CPA5: variants seen among roughly 807,000 people sequenced by gnomAD.
CPA5 encodes the protein carboxypeptidase A5.
CPA5 carries 38 observed loss-of-function variants against 52.2 expected under a neutral mutation model. The ratio of observed to expected loss-of-function variants is 0.73; its 90% CI spans 0.56 to 0.95. The LOEUF is 0.95. CPA5 is among the 40% of genes least tolerant of loss of function. CPA5 has a pLI of 0.00. For synonymous variants in CPA5, 198 were observed against 213.7 expected (o/e 0.93, Z 0.64); for missense variants, 519 against 566.7 (o/e 0.92, Z 0.86).
chr7:130,346,374 G>A lies in CPA5; in HGVS notation c.-93-19G>A. 1.3e-6 allele frequency: 1 copy of A among 752,948 alleles called. No individual in the cohort carries two copies. The highest frequency in any genetic ancestry group is 2.2e-6 in the Non-Finnish European group (1 of 462,604). The allele number at this position is 752,948 out of a possible 1,614,324, so 46.6% of individuals were successfully genotyped here. A position where few individuals can be genotyped will look rare whatever the true frequency, so the allele number is the denominator to read the frequency against. On this transcript the variant is annotated intron_variant, in intron 2 of 12. Transcript: ENST00000474905. The stretch of plus-strand genomic sequence containing the variant: ...AGCCACATGCTGGGTGCCCCAGACA[G>A]CCTAATGCTCTTTCTCAGGCTGGGC...
At chr7:130,360,200 C>T (rs1268174632) in intron 6 of CPA5, among the ~76,000 whole-genome samples, 1 of 152,254 alleles carries the variant, frequency 6.6e-6, no homozygotes, top group Non-Finnish European at 1.5e-5. Context: ...TTTTGTGTTT[C>T]TTTCCTCTTT....
chr7:130,370,674 C>G (rs1163033649), downstream of CPA5, among the ~76,000 whole-genome samples: 1 of 152,170 alleles, frequency 6.6e-6, no homozygotes, highest in East Asian at 1.9e-4. Context: ...GTTTGTCAAA[C>G]TCCAAAACCA....
chr7:130,349,831 G>A (rs1584791534), intron 4 of CPA5, 144 bp from the exon 5 acceptor site: 1 of 876,766 alleles, frequency 1.1e-6, no homozygotes, highest in Admixed American at 2.4e-5. Flanking sequence ...AGGGGCTTTG[G>A]GACATCACAC....
chr7:130,370,419 T>C (rs1343701390), downstream of CPA5, among the ~76,000 whole-genome samples: 1 of 152,170 alleles, frequency 6.6e-6, no homozygotes, highest in Non-Finnish European at 1.5e-5. Flanking sequence ...TTCGAGGTCA[T>C]GGGCTAAGTT....
chr7:130,350,966 A>T (rs1467985325), intron 5 of CPA5, among the ~76,000 whole-genome samples: 4 of 152,196 alleles, frequency 2.6e-5, no homozygotes, highest in Non-Finnish European at 5.9e-5. Context: ...ATAAAGATTC[A>T]TTCCCAACCT....
Position 130,347,750 on chromosome 7 carries a change from C to T in CPA5, c.117-16C>T, listed in dbSNP as rs1554402692. 1.9e-6 allele frequency: 3 copies of T among 1,610,318 alleles called. No homozygotes were observed. Among genetic ancestry groups the T allele is most frequent in the Non-Finnish European group, 2.5e-6 (3 of 1,176,778 alleles). On this transcript the variant is annotated splice_polypyrimidine_tract_variant and intron_variant, in intron 3 of 12. Transcript: ENST00000474905. ...CTTCTCCGCAGCTTCCTCCGCCCCT[C>T]CCTGTGTTTTTCTAGGGACCAGGTT...
rs1554406079 is a variant in CPA5 at position 130,359,663 on chromosome 7, C to T, written c.408C>T (p.Tyr136=). The part of the protein sequence containing the change: ...RLERSTNSFS[Y]SSYHTLEEIY... Reference sequence around the variant, plus strand: ...AGCGCAGCACCAACAGCTTCAGTTACTCATCATACCACACCCTGGAGGAGG... The same window carrying T: ...AGCGCAGCACCAACAGCTTCAGTTATTCATCATACCACACCCTGGAGGAGG... Residue 136 remains tyrosine, a synonymous_variant, in exon 6 of 13, where the codon TAC becomes TAT. Transcript: ENST00000474905. 6.3e-7 allele frequency: 1 copy of T among 1,585,930 alleles called. No individual in the cohort carries two copies. The highest frequency in any genetic ancestry group is 8.6e-7 in the Non-Finnish European group (1 of 1,165,982).
chr7:130,363,581 T>G, intron 10 of CPA5, 72 bp downstream of exon 10: 1 of 1,269,488 alleles, frequency 7.9e-7, no homozygotes, highest in Non-Finnish European at 1.1e-6. Flanking sequence ...TCCCACTCAG[T>G]CAGATTATGT....
intron 5 of CPA5, among the ~76,000 whole-genome samples, chr7:130,353,762 C>T (rs185876621): frequency 1.3e-5 from 2 of 152,184 alleles, no homozygotes; most frequent in African/African-American, 2.4e-5. Context: ...CTGCTCTCCC[C>T]CATTCTCCAC....
Position 130,362,678 on chromosome 7 carries a change from G to A in CPA5, c.636+139G>A, listed in dbSNP as rs1018990814. The A allele has an allele frequency of 1.8e-4, 119 of 672,902 alleles. 1 individual carries two copies. Among genetic ancestry groups the A allele is most frequent in the Admixed American group, 1.1e-3 (43 of 40,052 alleles). The allele number at this position is 672,902 out of a possible 1,614,324, so 41.7% of individuals were successfully genotyped here. On this transcript the variant is annotated intron_variant, in intron 8 of 12. Coordinates refer to ENST00000474905, the MANE Select transcript of CPA5 (RefSeq NM_080385.5). ...CATCCCGCCCTTTGGAGCAGCCACC[G>A]TGCACTCTTACCTTTTGCAGCACGG...
At chr7:130,348,303 C>T (rs1364682245) in intron 4 of CPA5, among the ~76,000 whole-genome samples, 2 of 152,212 alleles carry the variant, frequency 1.3e-5, no homozygotes, top group Non-Finnish European at 2.9e-5. Context: ...AACATTTGTC[C>T]TCTGCAGGTT....
chr7:130,371,204 G>A (rs1032593026), downstream of CPA5, among the ~76,000 whole-genome samples: 1 of 152,234 alleles, frequency 6.6e-6, no homozygotes, highest in African/African-American at 2.4e-5. Context: ...TTCCCAAGCC[G>A]AAATAAACTC....
Position 130,354,605 on chromosome 7 carries a change from G to A in CPA5, c.333+4496G>A, listed in dbSNP as rs191424595. 1.8e-4 allele frequency among the ~76,000 whole-genome samples: 27 copies of A among 152,038 alleles called. No homozygotes were observed. In the East Asian group the frequency reaches 4.3e-3, roughly 24 times the overall value. ...AATTTTTTTTTTAAAGTAGAGACAG[G>A]GTTTCACCATGTTGGCCAGGCTGGT... On this transcript the variant is annotated intron_variant, in intron 5 of 12. Coordinates refer to ENST00000474905, the MANE Select transcript of CPA5 (RefSeq NM_080385.5).
intron 5 of CPA5, among the ~76,000 whole-genome samples, chr7:130,353,903 G>C (rs536127695): frequency 6.6e-6 from 1 of 152,166 alleles, no homozygotes; most frequent in Non-Finnish European, 1.5e-5. Context: ...CCTTGCAATG[G>C]TCATAAGGCT....
rs371234680 is a variant in CPA5 at position 130,350,072 on chromosome 7, A to T, written c.296A>T (p.His99Leu). 5.6e-6 allele frequency: 9 copies of T among 1,610,978 alleles called. No homozygotes were observed. Among genetic ancestry groups the T allele is most frequent in the Non-Finnish European group, 7.6e-6 (9 of 1,177,366 alleles). The change falls in exon 5 of 13, where the codon CAT becomes CTT. Residue 99 changes from histidine to leucine, a missense_variant. His to Leu is a moderately conservative substitution (Grantham distance 99). Transcript: ENST00000474905. ...GACATCAAAGCTTATCTGGAGTCTC[A>T]TGGACTTGCTTACAGCATCATGATA... ...LKDIKAYLES[H>L]GLAYSIMIKD...
At chr7:130,369,918 A>G (rs1407716937), downstream of CPA5, among the ~76,000 whole-genome samples, 1 of 152,238 alleles carries the variant, frequency 6.6e-6, no homozygotes, top group African/African-American at 2.4e-5. Flanking sequence ...CATTTGGTAG[A>G]AGAAGGGGAT....
intron 9 of CPA5, 81 bp downstream of exon 9, chr7:130,363,075 C>A: frequency 1.2e-6 from 1 of 839,242 alleles, no homozygotes; most frequent in Non-Finnish European, 2.0e-6. Flanking sequence ...TGGGAACCAG[C>A]CCCTTCAGAG....
At chr7:130,370,597 G>A (rs1007662377), downstream of CPA5, among the ~76,000 whole-genome samples, 1 of 152,124 alleles carries the variant, frequency 6.6e-6, no homozygotes, top group Non-Finnish European at 1.5e-5. Flanking sequence ...AGCAAGGTTC[G>A]GAGATGTTTC....
intron 6 of CPA5, among the ~76,000 whole-genome samples, chr7:130,360,175 G>A (rs1425881316): frequency 3.9e-5 from 6 of 152,216 alleles, no homozygotes; most frequent in African/African-American, 1.4e-4. Context: ...ACTTGTCCTT[G>A]ACTGTGAAGC....
Sources: allele counts gnomAD v4.1 joint callset (sites outside exome capture counted in the v4.1 genomes callset), GRCh38; gene constraint gnomAD v4.1.1; transcripts MANE v1.5; gene names NCBI Gene and HGNC (gene_info 2026-07-23, HGNC 2026-07-21).